SLC24A2: variants seen among roughly 807,000 people sequenced by gnomAD.
SLC24A2 encodes sodium/potassium/calcium exchanger 2.
Under a neutral mutation model 62.0 loss-of-function variants are expected in SLC24A2, and 36 were observed. The ratio of observed to expected loss-of-function variants is 0.58; its 90% CI spans 0.44 to 0.77. The LOEUF is 0.77. Among genes scored for constraint, SLC24A2 ranks in the 30% least tolerant of loss-of-function variants. The pLI, the probability that SLC24A2 is intolerant of heterozygous loss-of-function variation, is 0.00. For synonymous variants in SLC24A2, 358 were observed against 294.0 expected (o/e 1.22, Z -2.23); for missense variants, 846 against 817.9 (o/e 1.03, Z -0.42).
At chr9:20,272,191 T>C in the SLC24A2 span, among the ~76,000 whole-genome samples, 1 of 152,214 alleles carries the variant, frequency 6.6e-6, no homozygotes, top group African/African-American at 2.4e-5. Flanking sequence ...ACCAGTAATT[T>C]GGGAGAAGCA....
At chr9:20,127,712 C>G in the SLC24A2 span, among the ~76,000 whole-genome samples, 1 of 152,100 alleles carries the variant, frequency 6.6e-6, no homozygotes, top group East Asian at 1.9e-4. Context: ...GGATAAGAGA[C>G]AGACGGGAAG....
chr9:19,835,635 T>A, the SLC24A2 span, among the ~76,000 whole-genome samples: 11 of 152,294 alleles, frequency 7.2e-5, no homozygotes, highest in Admixed American at 6.5e-4. Flanking sequence ...TGGGAGACTT[T>A]AATACCCCAC....
the SLC24A2 span, among the ~76,000 whole-genome samples, chr9:19,991,626 GTATTTGGTTCCAAATGCTATGCTTA>G: frequency 6.6e-6 from 1 of 152,252 alleles, no homozygotes; most frequent in South Asian, 2.1e-4. Flanking sequence ...CAGGACTACT[GTATTTGGTTCCAAATGCTATGCTTA>G]TAACTACCAT....
chr9:19,600,196 T>G (rs980754976), intron 4 of SLC24A2, among the ~76,000 whole-genome samples: 7 of 152,168 alleles, frequency 4.6e-5, no homozygotes, highest in African/African-American at 1.7e-4. Flanking sequence ...TGGTCGGTGT[T>G]TGAGATGAGC....
At chr9:20,078,403 C>A in the SLC24A2 span, among the ~76,000 whole-genome samples, 3 of 151,354 alleles carry the variant, frequency 2.0e-5, no homozygotes. Flanking sequence ...CACTTCAGAG[C>A]CTGATTCAGT....
At chr9:20,020,949 A>G in the SLC24A2 span, among the ~76,000 whole-genome samples, 1 of 152,118 alleles carries the variant, frequency 6.6e-6, no homozygotes, top group Non-Finnish European at 1.5e-5. Flanking sequence ...ACTGGTCTTT[A>G]TGTTTCATTT....
the SLC24A2 span, among the ~76,000 whole-genome samples, chr9:20,207,523 A>G: frequency 6.6e-6 from 1 of 152,150 alleles, no homozygotes; most frequent in African/African-American, 2.4e-5. Flanking sequence ...GTAATACTCT[A>G]TCCATATCTT....
the SLC24A2 span, among the ~76,000 whole-genome samples, chr9:20,143,839 C>G: frequency 6.6e-6 from 1 of 152,154 alleles, no homozygotes; most frequent in Non-Finnish European, 1.5e-5. Flanking sequence ...ATCAAAATGT[C>G]AATATTTATA....
Position 19,525,605 on chromosome 9 carries a change from T to A in SLC24A2, c.1569+2444A>T, listed in dbSNP as rs528394239. 1.3e-3 allele frequency among the ~76,000 whole-genome samples: 200 copies of A among 151,622 alleles called. 1 individual carries two copies. Among genetic ancestry groups the A allele is most frequent in the African/African-American group, 4.2e-3 (172 of 41,364 alleles). ...TTTTTGTAAAGACAGGGTTTTGCCA[T>A]GTTGCCCAGGCTGATCTCGAACTCC... On this transcript the variant is annotated intron_variant, in intron 9 of 10. Transcript: ENST00000341998.
At chr9:20,143,146 G>C in the SLC24A2 span, among the ~76,000 whole-genome samples, 1 of 152,188 alleles carries the variant, frequency 6.6e-6, no homozygotes, top group African/African-American at 2.4e-5. Context: ...TTTACCAATA[G>C]TGAGGTGAGT....
chr9:20,063,368 C>A, the SLC24A2 span, among the ~76,000 whole-genome samples: 8 of 150,620 alleles, frequency 5.3e-5, no homozygotes, highest in Admixed American at 5.3e-4. Context: ...CGGAAATCAT[C>A]ATTCTCAGTA....
At chr9:20,089,576 C>A in the SLC24A2 span, among the ~76,000 whole-genome samples, 1 of 151,998 alleles carries the variant, frequency 6.6e-6, no homozygotes, top group Non-Finnish European at 1.5e-5. Context: ...CCAGGCAGGG[C>A]CCCTAGCTCA....
the SLC24A2 span, among the ~76,000 whole-genome samples, chr9:20,022,837 C>A: frequency 7.9e-5 from 12 of 152,128 alleles, no homozygotes; most frequent in African/African-American, 2.9e-4. Flanking sequence ...TATCGCATTA[C>A]AGATCTGATA....
the SLC24A2 span, among the ~76,000 whole-genome samples, chr9:19,880,837 T>C: frequency 5.9e-3 from 901 of 152,270 alleles, 12 homozygotes; most frequent in African/African-American, 0.02. Context: ...AAATCTTGAC[T>C]TCAAAGGAGT....
At chr9:19,541,823 T>A (rs1208641342) in intron 8 of SLC24A2, among the ~76,000 whole-genome samples, 1 of 150,034 alleles carries the variant, frequency 6.7e-6, no homozygotes, top group Non-Finnish European at 1.5e-5. Flanking sequence ...CGCCTTGCAG[T>A]TTGATCTCAG....
chr9:19,626,865 T>G (rs377208864), intron 2 of SLC24A2, among the ~76,000 whole-genome samples: 3 of 152,138 alleles, frequency 2.0e-5, no homozygotes, highest in African/African-American at 7.2e-5. Flanking sequence ...TCAAAGCCTA[T>G]TGGGAAGACT....
At chr9:19,580,196 A>T (rs940790555) in intron 5 of SLC24A2, among the ~76,000 whole-genome samples, 1 of 151,908 alleles carries the variant, frequency 6.6e-6, no homozygotes, top group Non-Finnish European at 1.5e-5. Context: ...CTGCAACTCA[A>T]CCTCCCTCCT....
chr9:19,522,849 G>T (rs543142057), intron 9 of SLC24A2, among the ~76,000 whole-genome samples: 2 of 152,288 alleles, frequency 1.3e-5, no homozygotes, highest in Admixed American at 6.5e-5. Flanking sequence ...TTTTGCACAG[G>T]AGTGCCCTAT....
At chr9:20,281,014 C>T in the SLC24A2 span, among the ~76,000 whole-genome samples, 7 of 152,146 alleles carry the variant, frequency 4.6e-5, no homozygotes, top group African/African-American at 7.2e-5. Context: ...ACTGCAGCCT[C>T]GACTTCCTGG....
Sources: allele counts gnomAD v4.1 joint callset (sites outside exome capture counted in the v4.1 genomes callset), GRCh38; gene constraint gnomAD v4.1.1; transcripts MANE v1.5; gene names NCBI Gene and HGNC (gene_info 2026-07-23, HGNC 2026-07-21).